Variants in BMAL2 observed in about 807,000 individuals in gnomAD.
The protein encoded by BMAL2 is basic helix-loop-helix ARNT like 2.
chr12:27,416,501 A>G, the BMAL2 span, among the ~76,000 whole-genome samples: 1 of 152,210 alleles, frequency 6.6e-6, no homozygotes, highest in Non-Finnish European at 1.5e-5. Context: ...TGTATATACA[A>G]AAATTACTAA....
the BMAL2 span, chr12:27,377,481 C>T: frequency 6.6e-6 from 1 of 152,240 alleles, no homozygotes; most frequent in Non-Finnish European, 1.5e-5. Flanking sequence ...TGCTGTACAT[C>T]CTGGAGTCAG....
chr12:27,350,994 C>CTTT, the BMAL2 span, among the ~76,000 whole-genome samples: 27 of 94,288 alleles, frequency 2.9e-4, 1 homozygote, highest in African/African-American at 7.4e-4. Flanking sequence ...CCCACCCCCC[C>CTTT]TTTTTTTTTT....
chr12:27,401,499 C>A, the BMAL2 span: 1 of 1,558,472 alleles, frequency 6.4e-7, no homozygotes, highest in Admixed American at 1.8e-5. Context: ...GACTATTATG[C>A]TGATAATTAT....
chr12:27,344,661 C>T, the BMAL2 span, among the ~76,000 whole-genome samples: 1 of 152,210 alleles, frequency 6.6e-6, no homozygotes, highest in Non-Finnish European at 1.5e-5. Flanking sequence ...TAATCTCTCT[C>T]ACTTGAGGTC....
chr12:27,377,515 C>T, the BMAL2 span: 1 of 152,170 alleles, frequency 6.6e-6, no homozygotes, highest in Non-Finnish European at 1.5e-5. Context: ...TCGCTGCTGT[C>T]CATGCTGATG....
At chr12:27,354,683 A>C in the BMAL2 span, among the ~76,000 whole-genome samples, 2 of 152,246 alleles carry the variant, frequency 1.3e-5, no homozygotes, top group African/African-American at 4.8e-5. Context: ...TATATGAAAC[A>C]TAAGTGACTT....
At chr12:27,358,583 T>C in the BMAL2 span, among the ~76,000 whole-genome samples, 1 of 152,188 alleles carries the variant, frequency 6.6e-6, no homozygotes, top group Non-Finnish European at 1.5e-5. Flanking sequence ...TTCATAGTGT[T>C]CTCGAAGCCT....
the BMAL2 span, among the ~76,000 whole-genome samples, chr12:27,384,575 T>C: frequency 6.6e-6 from 1 of 152,184 alleles, no homozygotes; most frequent in Admixed American, 6.5e-5. Flanking sequence ...CCCTTATCCA[T>C]AGGGGCATAC....
the BMAL2 span, among the ~76,000 whole-genome samples, chr12:27,358,612 A>G: frequency 6.6e-6 from 1 of 152,102 alleles, no homozygotes; most frequent in East Asian, 1.9e-4. Context: ...CATCCAGAAA[A>G]ATGTGTTCAG....
chr12:27,372,663 T>C, the BMAL2 span, among the ~76,000 whole-genome samples: 25,301 of 152,078 alleles, frequency 0.17, 2,454 homozygotes, highest in East Asian at 0.38. Flanking sequence ...CTGATACTTA[T>C]TATTATTTTT....
At chr12:27,400,483 A>G in the BMAL2 span, 4 of 1,420,036 alleles carry the variant, frequency 2.8e-6, no homozygotes, top group South Asian at 1.6e-5. Flanking sequence ...AAGAAATTTA[A>G]TGACTTATTT....
chr12:27,394,559 C>G, the BMAL2 span: 1 of 152,308 alleles, frequency 6.6e-6, no homozygotes, highest in South Asian at 2.1e-4. Flanking sequence ...TATAACCACT[C>G]TCAAATCCAC....
chr12:27,415,201 G>C, the BMAL2 span, among the ~76,000 whole-genome samples: 1 of 152,176 alleles, frequency 6.6e-6, no homozygotes, highest in South Asian at 2.1e-4. Context: ...CTGAAGATTT[G>C]CTAGGAGAGT....
At chr12:27,350,676 G>A in the BMAL2 span, among the ~76,000 whole-genome samples, 1 of 152,226 alleles carries the variant, frequency 6.6e-6, no homozygotes, top group South Asian at 2.1e-4. Flanking sequence ...ACTTTTTAGT[G>A]TATTTCTTTT....
At chr12:27,332,976 T>A in the BMAL2 span, 1 of 1,016,942 alleles carries the variant, frequency 9.8e-7, no homozygotes, top group Admixed American at 4.9e-5. Flanking sequence ...CCCGCTTCCC[T>A]GCTCCAGAGC....
At chr12:27,364,000 G>A in the BMAL2 span, among the ~76,000 whole-genome samples, 14 of 152,178 alleles carry the variant, frequency 9.2e-5, no homozygotes, top group Admixed American at 2.0e-4. Context: ...TAGAGGCTGG[G>A]AAGTCCAAGA....
the BMAL2 span, chr12:27,376,404 GA>G: frequency 6.2e-7 from 1 of 1,612,248 alleles, no homozygotes; most frequent in South Asian, 1.1e-5. Context: ...TTGACTTGTT[GA>G]GATGGTACAT....
the BMAL2 span, among the ~76,000 whole-genome samples, chr12:27,338,217 G>T: frequency 6.6e-6 from 1 of 152,240 alleles, no homozygotes; most frequent in Non-Finnish European, 1.5e-5. Flanking sequence ...AAACAGAGAA[G>T]CAGAAGTGGA....
At chr12:27,349,003 A>G in the BMAL2 span, among the ~76,000 whole-genome samples, 4 of 152,230 alleles carry the variant, frequency 2.6e-5, no homozygotes. Flanking sequence ...TTCTTGTAGG[A>G]GATAACATCT....
Sources: gnomAD v4.1 joint callset for allele counts (sites outside exome capture counted in the v4.1 genomes callset) on GRCh38, gnomAD v4.1.1 for gene constraint, MANE v1.5 for transcripts, NCBI Gene and HGNC (gene_info 2026-07-23, HGNC 2026-07-21) for gene names.